The following AR variants were observed in gnomAD, a reference collection of about 807,000 sequenced individuals.
AR encodes the protein androgen receptor.
Under a neutral mutation model 53.9 loss-of-function variants are expected in AR, and 8 were observed. The observed-to-expected ratio is 0.15, with a 90% CI of 0.09 to 0.27. AR has a LOEUF of 0.27. AR is among the 10% of genes least tolerant of loss of function. AR has a pLI of 1.00. For synonymous variants in AR, 359 were observed against 316.4 expected, an observed-to-expected ratio of 1.13 and a Z score of -1.43; for missense variants, 639 against 742.5, an observed-to-expected ratio of 0.86 and a Z score of 1.62.
At chrX:67,678,976 C>T (rs188924715) in intron 2 of AR, among the ~76,000 whole-genome samples, 73 of 110,828 alleles carry the variant, frequency 6.6e-4, no homozygotes, top group African/African-American at 2.2e-3. Context: ...AGCATGGTGA[C>T]CATAGTTAAT....
intron 3 of AR, among the ~76,000 whole-genome samples, chrX:67,692,342 C>A (rs975686132): frequency 8.9e-6 from 1 of 112,633 alleles, no homozygotes; most frequent in Non-Finnish European, 1.9e-5. Flanking sequence ...GCTTCCTACC[C>A]ACAATTCTTT....
At chrX:67,628,955 A>G (rs1924881062) in intron 1 of AR, among the ~76,000 whole-genome samples, 1 of 111,624 alleles carries the variant, frequency 9.0e-6, no homozygotes, top group African/African-American at 3.3e-5. Flanking sequence ...ATTTGCGTAT[A>G]TTGAACCAGC....
chrX:67,675,852 G>A (rs2075896828), intron 2 of AR, among the ~76,000 whole-genome samples: 1 of 111,427 alleles, frequency 9.0e-6, no homozygotes. Flanking sequence ...AATTGCTGGA[G>A]GCTTCTCTTT....
chrX:67,566,702 T>G (rs1017964718), intron 1 of AR, among the ~76,000 whole-genome samples: 2 of 111,202 alleles, frequency 1.8e-5, no homozygotes, highest in Non-Finnish European at 3.8e-5. Flanking sequence ...GATTTTAGAT[T>G]TTTTCCAAGT....
intron 2 of AR, among the ~76,000 whole-genome samples, chrX:67,660,010 C>A (rs1926800350): frequency 8.9e-6 from 1 of 112,013 alleles, no homozygotes; most frequent in South Asian, 3.7e-4. Flanking sequence ...GTGTAAATGT[C>A]TTCTTTGAGA....
At chrX:67,710,024 C>G (rs989531444) in intron 3 of AR, among the ~76,000 whole-genome samples, 1 of 110,863 alleles carries the variant, frequency 9.0e-6, no homozygotes, top group Non-Finnish European at 1.9e-5. Flanking sequence ...TCTCCAAGAG[C>G]TTTAACTATC....
chrX:67,555,203 G>A (rs1329445583), intron 1 of AR, among the ~76,000 whole-genome samples: 2 of 111,642 alleles, frequency 1.8e-5, no homozygotes, highest in African/African-American at 3.3e-5. Flanking sequence ...TAAAAAAAAA[G>A]AGGAATGAAT....
In AR at chrX:67,711,601, C is replaced by T. The variant is rs777564550; in HGVS notation, c.2085C>T (p.Pro695=). The part of the protein sequence containing the change: ...VVCAGHDNNQ[P]DSFAALLSSL... ...GTGCTGGACACGACAACAACCAGCC[C>T]GACTCCTTTGCAGCCTTGCTCTCTA... The change falls in exon 4 of 8, where the codon CCC becomes CCT. Residue 695 remains proline, a synonymous_variant. Transcript: ENST00000374690. 17 of 1,209,413 alleles carry T rather than the reference C, an allele frequency of 1.4e-5. No individual in the cohort carries two copies. The highest frequency in any genetic ancestry group is 3.5e-5 in the South Asian group (2 of 56,665).
At chrX:67,571,527 A>G (rs771975821) in intron 1 of AR, among the ~76,000 whole-genome samples, 13 of 111,817 alleles carry the variant, frequency 1.2e-4, no homozygotes, top group Admixed American at 2.8e-4. Context: ...CAGTAGAAAC[A>G]TGTAAGTTGT....
chrX:67,722,990 C>G lies in AR; in HGVS notation c.2607+6C>G. On this transcript the variant is annotated splice_donor_region_variant and intron_variant, in intron 7 of 7. Transcript: ENST00000374690. The stretch of plus-strand genomic sequence containing the variant: ...TCCTGGACTCCGTGCAGCCTGTAAG[C>G]AAACGATGGAGGGTGCTTTATCAGG... The G allele has an allele frequency of 8.3e-7, 1 of 1,211,185 alleles. No homozygotes were observed. Among genetic ancestry groups the G allele is most frequent in the Non-Finnish European group, 1.1e-6 (1 of 895,051 alleles).
intron 1 of AR, among the ~76,000 whole-genome samples, chrX:67,592,770 C>T (rs1382692312): frequency 9.1e-6 from 1 of 110,103 alleles, no homozygotes; most frequent in African/African-American, 3.3e-5. Context: ...GAACTTCAAG[C>T]ATATCCTAAA....
In AR at chrX:67,546,366, G is replaced by A; in HGVS notation, c.1220G>A (p.Arg407His). ...TGGGCGGCTGCGGCGGCGCAGTGCC[G>A]CTATGGGGACCTGGCGAGCCTGCAT... ...SAWAAAAAQC[R>H]YGDLASLHGA... Residue 407 changes from arginine (R) to histidine (H), a missense_variant, in exon 1 of 8, where the codon CGC becomes CAC. This residue lies in a region of AR where 423 missense variants were observed against 377.0 expected (regional missense o/e 1.12). Coordinates refer to ENST00000374690, the MANE Select transcript of AR (RefSeq NM_000044.6). The A allele has an allele frequency of 3.4e-6, 4 of 1,184,308 alleles. No homozygotes were observed. The highest frequency in any genetic ancestry group is 2.5e-4 in the Middle Eastern group (1 of 3,925).
intron 3 of AR, chrX:67,689,817 C>A: frequency 1.6e-6 from 1 of 626,979 alleles, no homozygotes; most frequent in Non-Finnish European, 2.0e-6. Context: ...TTAGCTGTGG[C>A]TTTCTCACAG....
chrX:67,617,322 G>A (rs1238642807), intron 1 of AR, among the ~76,000 whole-genome samples: 1 of 111,402 alleles, frequency 9.0e-6, no homozygotes. Context: ...CCACCACCAT[G>A]GAAGCTACCT....
At chrX:67,661,875 T>C (rs1318529126) in intron 2 of AR, among the ~76,000 whole-genome samples, 2 of 111,694 alleles carry the variant, frequency 1.8e-5, no homozygotes, top group African/African-American at 6.5e-5. Flanking sequence ...CAGAGCCTGT[T>C]ATTGGTCTAT....
intron 2 of AR, among the ~76,000 whole-genome samples, chrX:67,647,924 A>G (rs1926130252): frequency 8.9e-6 from 1 of 111,971 alleles, no homozygotes; most frequent in Admixed American, 9.5e-5. Flanking sequence ...GTTTAATATT[A>G]TTTTTCTTTT....
chrX:67,625,569 G>A (rs1924589589), intron 1 of AR, among the ~76,000 whole-genome samples: 1 of 111,513 alleles, frequency 9.0e-6, no homozygotes, highest in Non-Finnish European at 1.9e-5. Context: ...ATCAATAAAT[G>A]GAATACTATT....
At chrX:67,575,112 G>A (rs774414176) in intron 1 of AR, among the ~76,000 whole-genome samples, 4 of 111,230 alleles carry the variant, frequency 3.6e-5, no homozygotes, top group African/African-American at 6.5e-5. Context: ...ATTGGGCCAA[G>A]ATTTAACACA....
intron 1 of AR, among the ~76,000 whole-genome samples, chrX:67,607,763 G>A (rs1186862183): frequency 5.4e-5 from 6 of 112,138 alleles, no homozygotes; most frequent in African/African-American, 1.9e-4. Context: ...ATTCAGAGTT[G>A]TACAGAAAAA....
Sources: allele counts gnomAD v4.1 joint callset (sites outside exome capture counted in the v4.1 genomes callset), GRCh38; gene constraint gnomAD v4.1.1; regional missense constraint gnomAD v4.1.1; transcripts MANE v1.5; gene names NCBI Gene and HGNC (gene_info 2026-07-23, HGNC 2026-07-21).